ATAD2: variants seen among roughly 807,000 people sequenced by gnomAD.
The protein encoded by ATAD2 is ATPase family AAA domain-containing protein 2.
A neutral mutation model predicts 168.9 loss-of-function variants in ATAD2; 62 were observed. That is an observed-to-expected ratio of 0.37 (90% CI 0.30 to 0.45). The LOEUF (loss-of-function observed/expected upper bound fraction) is 0.45. Among genes scored for constraint, ATAD2 ranks in the 20% least tolerant of loss-of-function variants. The pLI, the probability that ATAD2 is intolerant of heterozygous loss-of-function variation, is 1.00. For missense variants in ATAD2, 1,419 were observed against 1,667.8 expected (o/e 0.85, Z 2.60); for synonymous variants, 613 against 571.6 (o/e 1.07, Z -1.03).
intron 14 of ATAD2, 96 bp downstream of exon 14, chr8:123,349,186 TACA>T (rs1828366119): frequency 8.1e-7 from 1 of 1,240,452 alleles, no homozygotes; most frequent in East Asian, 2.5e-5. Context: ...AAGACCATGA[TACA>T]AAACTCAAGA....
intron 1 of ATAD2, among the ~76,000 whole-genome samples, chr8:123,405,760 C>T (rs1813060126): frequency 1.3e-5 from 2 of 152,200 alleles, no homozygotes; most frequent in Non-Finnish European, 2.9e-5. Flanking sequence ...ACATCATAGT[C>T]CACTCTGTGG....
intron 22 of ATAD2, 88 bp from the exon 23 acceptor site, chr8:123,334,410 A>G (rs1428261665): frequency 1.6e-6 from 2 of 1,213,226 alleles, no homozygotes; most frequent in Non-Finnish European, 2.2e-6. Flanking sequence ...CTAAGATAGT[A>G]GCTCTTACAA....
At chr8:123,321,987 C>CTTTTTT (rs869048943) in intron 27 of ATAD2, among the ~76,000 whole-genome samples, 2 of 136,472 alleles carry the variant, frequency 1.5e-5, no homozygotes, top group African/African-American at 5.7e-5. Flanking sequence ...GTACATAAGT[C>CTTTTTT]TTTTTTTTTT....
intron 1 of ATAD2, among the ~76,000 whole-genome samples, chr8:123,393,503 C>G (rs1812689411): frequency 1.3e-5 from 2 of 152,062 alleles, no homozygotes; most frequent in Admixed American, 1.3e-4. Flanking sequence ...GAGCAAGACT[C>G]TGTCTCAAAA....
At chr8:123,342,006 A>C (rs1828076312) in intron 19 of ATAD2, among the ~76,000 whole-genome samples, 1 of 152,142 alleles carries the variant, frequency 6.6e-6, no homozygotes, top group Non-Finnish European at 1.5e-5. Context: ...TAATTGCTTA[A>C]ACCCAGGAGG....
Position 123,322,977 on chromosome 8 carries a change from A to T in ATAD2, c.4092T>A (p.Tyr1364Ter), listed in dbSNP as rs1827514520. 4 of 1,613,908 alleles carry T rather than the reference A, an allele frequency of 2.5e-6. No homozygotes were observed. The highest frequency in any genetic ancestry group is 3.4e-6 in the Non-Finnish European group (4 of 1,179,956). ...NLYAVISQCI[Y>*]RHRKDHDKTS... ...TTTTATCATGGTCCTTGCGATGCCG[A>T]TAAATACATTGGCTGATTACTGCAT... The change falls in exon 27 of 28, where the codon TAT (tyrosine) becomes TAA (stop). Residue 1364 changes from tyrosine (Y) to a stop codon, truncating the protein, a stop_gained. Transcript: ENST00000287394. LOFTEE classifies it high-confidence loss of function.
chr8:123,411,907 ACAC>A (rs1301900649), intron 1 of ATAD2, among the ~76,000 whole-genome samples: 2 of 152,232 alleles, frequency 1.3e-5, no homozygotes, highest in East Asian at 3.9e-4. Context: ...CTTGCTTGAG[ACAC>A]TCAAATAATA....
intron 22 of ATAD2, among the ~76,000 whole-genome samples, chr8:123,335,669 C>T (rs1033636249): frequency 1.3e-5 from 2 of 152,066 alleles, no homozygotes; most frequent in Non-Finnish European, 2.9e-5. Context: ...ATTAAAAATC[C>T]TTTATACATT....
chr8:123,396,411 G>A lies in ATAD2; in HGVS notation c.-54C>T, dbSNP rs921953126. 10 of 1,467,248 alleles carry A rather than the reference G, an allele frequency of 6.8e-6. No homozygotes were observed. In the African/African-American group the frequency reaches 7.3e-5, roughly 11 times the overall value. The allele number at this position is 1,467,248 out of a possible 1,614,324, so 90.9% of individuals were successfully genotyped here. A position where few individuals can be genotyped will look rare whatever the true frequency, so the allele number is the denominator to read the frequency against. ...CGACCGGAGAGAGATCCAGCTCCAGGCGCTCGCAGCTCTGGCTCTTCCGCG... is the reference window on the plus strand; with the variant it reads ...CGACCGGAGAGAGATCCAGCTCCAGACGCTCGCAGCTCTGGCTCTTCCGCG... On this transcript the variant is annotated 5_prime_UTR_variant, in exon 1 of 28. Coordinates refer to ENST00000287394, the MANE Select transcript of ATAD2 (RefSeq NM_014109.4).
intron 13 of ATAD2, among the ~76,000 whole-genome samples, chr8:123,353,924 G>C (rs902602689): frequency 1.3e-5 from 2 of 152,178 alleles, no homozygotes; most frequent in African/African-American, 4.8e-5. Context: ...CCTGAGATCA[G>C]GAGTTCGAGA....
At chr8:123,401,768 T>C (rs1813006748) in intron 1 of ATAD2, 1 of 749,478 alleles carries the variant, frequency 1.3e-6, no homozygotes, top group African/African-American at 1.7e-5. Flanking sequence ...CAGCGAATAG[T>C]TCTCAGATGG....
intron 27 of ATAD2, among the ~76,000 whole-genome samples, chr8:123,322,151 C>T (rs1171909933): frequency 6.6e-6 from 1 of 152,048 alleles, no homozygotes; most frequent in Non-Finnish European, 1.5e-5. Context: ...CCACATCTGG[C>T]TAGTTTTTGT....
At chr8:123,349,037 G>A (rs1223165910) in intron 14 of ATAD2, among the ~76,000 whole-genome samples, 1 of 152,132 alleles carries the variant, frequency 6.6e-6, no homozygotes, top group Non-Finnish European at 1.5e-5. Context: ...TAAGCCATAT[G>A]TTCTGAAGCA....
At chr8:123,349,139 A>T in intron 14 of ATAD2, 146 bp downstream of exon 14, 1 of 705,830 alleles carries the variant, frequency 1.4e-6, no homozygotes. Flanking sequence ...AAAGAATAAA[A>T]ATTTGTCCCC....
intron 1 of ATAD2, among the ~76,000 whole-genome samples, chr8:123,408,830 CT>C (rs763955875): frequency 1.9e-3 from 274 of 140,838 alleles, no homozygotes; most frequent in Admixed American, 2.2e-3. Flanking sequence ...AAGATATATT[CT>C]TTTTTTTTTT....
chr8:123,398,226 CTT>C (rs1188897965), upstream of ATAD2, among the ~76,000 whole-genome samples: 17 of 101,756 alleles, frequency 1.7e-4, no homozygotes, highest in East Asian at 5.3e-4. Flanking sequence ...GGTTCTTGTT[CTT>C]TTTTTTTTTT....
Position 123,402,802 on chromosome 8 carries a change from C to T in ATAD2, c.-2281-1627G>A, listed in dbSNP as rs546012060. Among the ~76,000 whole-genome samples the T allele has an allele frequency of 7.1e-6, 1 of 140,980 alleles. No individual in the cohort carries two copies. The highest frequency in any genetic ancestry group is 2.1e-4 in the East Asian group (1 of 4,762). The allele number at this position is 140,980 out of a possible 152,430, so 92.5% of individuals were successfully genotyped here. On this transcript the variant is annotated intron_variant, in intron 1 of 28. Transcript: ENST00000521903. The surrounding 1 kb of genome is among the most constrained non-coding windows in gnomAD (Gnocchi z 4.8). ...TATTAAATAATCAGAATAAATCAAG[C>T]AGGTCTCAATGCCAATAATAATAAT...
chr8:123,323,618 T>G (rs557352099), intron 26 of ATAD2, among the ~76,000 whole-genome samples: 8 of 152,192 alleles, frequency 5.3e-5, no homozygotes, highest in African/African-American at 1.9e-4. Flanking sequence ...ACCTCATAAT[T>G]AACAAAAACA....
chr8:123,344,831 T>C, intron 19 of ATAD2, 53 bp downstream of exon 19: 1 of 1,554,470 alleles, frequency 6.4e-7, no homozygotes, highest in Middle Eastern at 1.7e-4. Flanking sequence ...ATGATTATTG[T>C]GGTAGAAACA....
Sources: allele counts gnomAD v4.1 joint callset (sites outside exome capture counted in the v4.1 genomes callset), GRCh38; gene constraint gnomAD v4.1.1; non-coding constraint Gnocchi (gnomAD v3.1); transcripts MANE v1.5; gene names NCBI Gene and HGNC (gene_info 2026-07-23, HGNC 2026-07-21).